CERS6: variants seen among roughly 807,000 people sequenced by gnomAD.
CERS6 encodes ceramide synthase 6.
CERS6 carries 26 observed loss-of-function variants against 56.8 expected under a neutral mutation model. The ratio of observed to expected loss-of-function variants is 0.46; its 90% CI spans 0.34 to 0.63. The LOEUF (loss-of-function observed/expected upper bound fraction) is 0.63. Ranked by LOEUF, CERS6 falls within the 30% of genes least tolerant of loss-of-function variation. CERS6 has a pLI of 0.01. For synonymous variants in CERS6, 164 were observed against 173.3 expected (o/e 0.95, Z 0.42); for missense variants, 415 against 467.5 (o/e 0.89, Z 1.04).
chr2:168,700,692 G>T (rs988691339), intron 6 of CERS6, among the ~76,000 whole-genome samples: 2 of 152,140 alleles, frequency 1.3e-5, no homozygotes, highest in African/African-American at 2.4e-5. Context: ...CTCCTAATTC[G>T]ATGTGACCTT....
rs149780134 is a variant in CERS6 at position 168,526,781 on chromosome 2, G to C, written c.171-20815G>C. Among the ~76,000 whole-genome samples, 204 of 152,310 alleles carry C rather than the reference G, an allele frequency of 1.3e-3. 4 individuals carry two copies. The East Asian group carries it at 0.024, about 18-fold the overall frequency. On this transcript the variant is annotated intron_variant, in intron 1 of 9. Coordinates refer to ENST00000305747, the MANE Select transcript of CERS6 (RefSeq NM_203463.3). ...CTGTGCGAGTGGCCTGACAGCAGAA[G>C]GTTTTGAATGAGAGAGGGAGAAAAT...
intron 2 of CERS6, among the ~76,000 whole-genome samples, chr2:168,551,733 C>T (rs1436346027): frequency 6.6e-6 from 1 of 152,094 alleles, no homozygotes; most frequent in Non-Finnish European, 1.5e-5. Context: ...ATAGATTCTC[C>T]TCAACTGTAT....
rs1439020909 is a variant in CERS6 at position 168,623,966 on chromosome 2, G to GT, written c.408-7019_408-7018insT. On this transcript the variant is annotated intron_variant, in intron 3 of 9. Coordinates refer to ENST00000305747, the MANE Select transcript of CERS6 (RefSeq NM_203463.3). ...CTATCTGTAGAATAAGGTCATAGATGGGCTCTTAGGGACCCTACCTAGGCT... is the reference window on the plus strand; with the variant it reads ...CTATCTGTAGAATAAGGTCATAGATGTGGCTCTTAGGGACCCTACCTAGGCT... Among the ~76,000 whole-genome samples the GT allele has an allele frequency of 2.6e-5, 4 of 152,232 alleles. No homozygotes were observed. In the East Asian group the frequency reaches 7.7e-4, roughly 29 times the overall value.
At chr2:168,487,653 T>G (rs1213374184) in intron 1 of CERS6, among the ~76,000 whole-genome samples, 1 of 152,240 alleles carries the variant, frequency 6.6e-6, no homozygotes. Context: ...TATATTTTTT[T>G]CTTAAGCTAC....
rs1695990126 is a variant in CERS6 at position 168,571,687 on chromosome 2, G to T, written c.407+10365G>T. 1.3e-5 allele frequency among the ~76,000 whole-genome samples: 2 copies of T among 152,014 alleles called. 1 individual carries two copies. The highest frequency in any genetic ancestry group is 4.2e-4 in the South Asian group (2 of 4,814). On this transcript the variant is annotated intron_variant, in intron 3 of 9. Transcript: ENST00000305747. The stretch of plus-strand genomic sequence containing the variant: ...TATTTGATTTTTAAAATTTTTGTAG[G>T]TACATAAATGGGTATATGTATTTAT...
At chr2:168,574,035 A>G (rs1380852870) in intron 3 of CERS6, among the ~76,000 whole-genome samples, 1 of 152,112 alleles carries the variant, frequency 6.6e-6, no homozygotes, top group Non-Finnish European at 1.5e-5. Context: ...TGTCCTTTAG[A>G]TGTACTTTTC....
At chr2:168,589,727 C>G (rs1401440780) in intron 3 of CERS6, among the ~76,000 whole-genome samples, 1 of 152,186 alleles carries the variant, frequency 6.6e-6, no homozygotes, top group Non-Finnish European at 1.5e-5. Flanking sequence ...AGATGTCTTT[C>G]TAGTCCACTA....
chr2:168,717,842 A>C, intron 7 of CERS6, 30 bp from the exon 8 acceptor site: 1 of 1,528,214 alleles, frequency 6.5e-7, no homozygotes, highest in African/African-American at 1.4e-5. Flanking sequence ...GTTTAACTAC[A>C]TTAATATATC....
intron 3 of CERS6, among the ~76,000 whole-genome samples, chr2:168,628,565 A>C (rs1217963413): frequency 6.6e-6 from 1 of 152,160 alleles, no homozygotes; most frequent in Non-Finnish European, 1.5e-5. Context: ...TTCACAGTAC[A>C]TCTCCTTCTT....
chr2:168,654,365 G>A (rs911988308), intron 4 of CERS6, among the ~76,000 whole-genome samples: 1 of 152,088 alleles, frequency 6.6e-6, no homozygotes, highest in African/African-American at 2.4e-5. Context: ...CCAACATGGT[G>A]AAACCCCATC....
chr2:168,623,156 C>G (rs1684512522), intron 3 of CERS6, among the ~76,000 whole-genome samples: 1 of 152,082 alleles, frequency 6.6e-6, no homozygotes, highest in Admixed American at 6.5e-5. Flanking sequence ...CAGATGAAAC[C>G]AATCAGTTAA....
chr2:168,768,576 A>T (rs16855818), intron 9 of CERS6, among the ~76,000 whole-genome samples: 12,586 of 151,748 alleles, frequency 0.083, 586 homozygotes, highest in Non-Finnish European at 0.1. Flanking sequence ...TTTCCTCAGG[A>T]AATATTTCAA....
chr2:168,558,666 G>A (rs1223545166), intron 2 of CERS6, among the ~76,000 whole-genome samples: 6 of 152,264 alleles, frequency 3.9e-5, no homozygotes, highest in Admixed American at 2.0e-4. Context: ...TCAGGAGATC[G>A]AGACCATCCT....
At chr2:168,463,070 G>A (rs186309375) in intron 1 of CERS6, among the ~76,000 whole-genome samples, 1 of 152,176 alleles carries the variant, frequency 6.6e-6, no homozygotes, top group African/African-American at 2.4e-5. Flanking sequence ...TTAATCCTCT[G>A]TCAGGCCCTG....
chr2:168,631,126 A>G (rs923757337), intron 4 of CERS6, 84 bp downstream of exon 4: 8 of 584,292 alleles, frequency 1.4e-5, no homozygotes, highest in Non-Finnish European at 2.1e-5. Context: ...TGTGACTGTA[A>G]TAATATTTTA....
chr2:168,709,348 T>C (rs1687033261), intron 6 of CERS6, among the ~76,000 whole-genome samples: 1 of 152,190 alleles, frequency 6.6e-6, no homozygotes, highest in Non-Finnish European at 1.5e-5. Context: ...CTAAAATAGA[T>C]GGCTCTTCCT....
chr2:168,546,636 G>C (rs142533187), intron 1 of CERS6, among the ~76,000 whole-genome samples: 1 of 152,170 alleles, frequency 6.6e-6, no homozygotes, highest in Non-Finnish European at 1.5e-5. Context: ...GGTCTGTTTT[G>C]CATATTTATC....
At chr2:168,499,058 C>T (rs975215321) in intron 1 of CERS6, among the ~76,000 whole-genome samples, 3 of 152,132 alleles carry the variant, frequency 2.0e-5, no homozygotes, top group Non-Finnish European at 2.9e-5. Flanking sequence ...TGAGATTTGT[C>T]AGAGGCAACA....
At chr2:168,678,809 T>C (rs918744257) in intron 4 of CERS6, among the ~76,000 whole-genome samples, 3 of 152,240 alleles carry the variant, frequency 2.0e-5, no homozygotes, top group Non-Finnish European at 4.4e-5. Flanking sequence ...AGAGATCCTA[T>C]GATCCAGCAA....
Sources: allele counts gnomAD v4.1 joint callset (sites outside exome capture counted in the v4.1 genomes callset), GRCh38; gene constraint gnomAD v4.1.1; transcripts MANE v1.5; gene names NCBI Gene and HGNC (gene_info 2026-07-23, HGNC 2026-07-21).